The following NSF variants were observed in gnomAD, a reference collection of about 807,000 sequenced individuals.
NSF encodes the protein N-ethylmaleimide sensitive factor, vesicle fusing ATPase.
NSF carries 14 observed loss-of-function variants against 50.3 expected under a neutral mutation model. The observed-to-expected ratio is 0.28, with a 90% CI of 0.18 to 0.44. The LOEUF (loss-of-function observed/expected upper bound fraction) is 0.44. NSF is among the 20% of genes least tolerant of loss of function. The pLI, the probability that NSF is intolerant of heterozygous loss-of-function variation, is 1.00. For missense variants in NSF, 218 were observed against 504.3 expected (o/e 0.43, Z 5.44); for synonymous variants, 109 against 175.7 (o/e 0.62, Z 3.00).
At chr17:46,744,601 T>C (rs928661852) in intron 17 of NSF, among the ~76,000 whole-genome samples, 1 of 151,590 alleles carries the variant, frequency 6.6e-6, no homozygotes, top group Non-Finnish European at 1.5e-5. Context: ...AGTATTATAT[T>C]AGTGGCATTT....
intron 17 of NSF, among the ~76,000 whole-genome samples, chr17:46,736,491 C>A (rs1373593858): frequency 6.6e-6 from 1 of 152,200 alleles, no homozygotes; most frequent in Admixed American, 6.5e-5. Context: ...CCTGGCCCTC[C>A]CTCTACTCCT....
At chr17:46,716,416 C>T (rs777000351) in intron 15 of NSF, among the ~76,000 whole-genome samples, 7 of 152,106 alleles carry the variant, frequency 4.6e-5, no homozygotes, top group Non-Finnish European at 7.3e-5. Context: ...GCCACCATGC[C>T]TGGCTAATTT....
intron 14 of NSF, among the ~76,000 whole-genome samples, chr17:46,711,889 AG>A (rs1318158926): frequency 2.0e-5 from 3 of 152,206 alleles, no homozygotes; most frequent in Non-Finnish European, 4.4e-5. Context: ...AGTCCTGGGC[AG>A]GAAGGAGCTT....
rs1167793650 is a variant in NSF, at chr17:46,595,513, C to T, written c.12+4726C>T. On this transcript the variant is annotated intron_variant, in intron 1 of 20. Transcript: ENST00000398238. ...GGATCTTTTTTTTTTTTTTTTGAGACGGAGTCTTGCTCCGTCACCCAGGCT... is the reference window on the plus strand; with the variant it reads ...GGATCTTTTTTTTTTTTTTTTGAGATGGAGTCTTGCTCCGTCACCCAGGCT... 1.1e-4 allele frequency among the ~76,000 whole-genome samples: 13 copies of T among 118,562 alleles called. 4 individuals are homozygous for T. The East Asian group carries it at 4.2e-3, about 38-fold the overall frequency. 77.8% of individuals were successfully genotyped at this position (118,562 alleles called of 152,430 possible).
intron 15 of NSF, among the ~76,000 whole-genome samples, chr17:46,724,674 C>CT (rs1310528798): frequency 6.6e-6 from 1 of 152,208 alleles, no homozygotes; most frequent in Non-Finnish European, 1.5e-5. Flanking sequence ...TTCCCCAACT[C>CT]TAACTTTTGT....
chr17:46,735,775 T>C (rs897961318), intron 17 of NSF, among the ~76,000 whole-genome samples: 13 of 152,066 alleles, frequency 8.5e-5, no homozygotes, highest in African/African-American at 2.4e-4. Context: ...TGAAACCCGA[T>C]CTCTACTAAA....
chr17:46,657,499 A>G (rs1397918993), intron 8 of NSF, among the ~76,000 whole-genome samples: 6 of 144,704 alleles, frequency 4.1e-5, no homozygotes, highest in Non-Finnish European at 6.1e-5. Flanking sequence ...AGAAATAGAA[A>G]CTTTTTCAGA....
rs1228702955 is a variant in NSF at position 46,728,842 on chromosome 17, G to A, written c.1829-13G>A. 6.4e-7 allele frequency: 1 copy of A among 1,570,046 alleles called. No individual in the cohort carries two copies. The highest frequency in any genetic ancestry group is 1.4e-5 in the African/African-American group (1 of 72,874). On this transcript the variant is annotated splice_polypyrimidine_tract_variant and intron_variant, in intron 16 of 20. Transcript: ENST00000398238. ...GTATCAAATCCCTAAACATAATAAT[G>A]TTTCTTTTCCAGATTACGTCCCTAT...
chr17:46,755,826 A>G lies in NSF; in HGVS notation c.*3A>G. 2 of 1,611,778 alleles carry G rather than the reference A, an allele frequency of 1.2e-6. No individual in the cohort carries two copies. The highest frequency in any genetic ancestry group is 1.7e-6 in the Non-Finnish European group (2 of 1,179,606). On this transcript the variant is annotated 3_prime_UTR_variant, in exon 21 of 21. Transcript: ENST00000398238. The stretch of plus-strand genomic sequence containing the variant: ...GTAGCCCCCTTGATTTTGATTGAAA[A>G]TGAACTATTTGAAACACACAGTGAC...
intron 17 of NSF, among the ~76,000 whole-genome samples, chr17:46,742,556 G>A (rs765576745): frequency 6.6e-6 from 1 of 152,194 alleles, no homozygotes; most frequent in South Asian, 2.1e-4. Context: ...ACTGGAGGAG[G>A]GAAAGGGCAG....
intron 13 of NSF, 132 bp from the exon 14 acceptor site, chr17:46,710,831 C>A: frequency 1.3e-6 from 1 of 750,460 alleles, no homozygotes; most frequent in Non-Finnish European, 2.0e-6. Flanking sequence ...AGTTGTTTTG[C>A]TTTCCAGGCT....
intron 13 of NSF, among the ~76,000 whole-genome samples, chr17:46,708,142 T>C (rs1229366802): frequency 4.6e-5 from 7 of 152,240 alleles, no homozygotes; most frequent in Non-Finnish European, 1.0e-4. Context: ...TGAGTAATGC[T>C]GTCATTAGCA....
chr17:46,635,777 A>ATGTGTG (rs148930686), intron 4 of NSF, among the ~76,000 whole-genome samples: 18,345 of 116,598 alleles, frequency 0.16, 2,480 homozygotes, highest in Middle Eastern at 0.27. Flanking sequence ...GGGAAAATAA[A>ATGTGTG]TGTGTGTGTG....
In NSF at chr17:46,755,841, C is replaced by T; in HGVS notation, c.*18C>T. 1 of 1,604,168 alleles carries T rather than the reference C, an allele frequency of 6.2e-7. No homozygotes were observed. The highest frequency in any genetic ancestry group is 8.5e-7 in the Non-Finnish European group (1 of 1,175,176). ...TTGATTGAAAATGAACTATTTGAAACACACAGTGACCAAGGGAAGTGACCA... is the reference window on the plus strand; with the variant it reads ...TTGATTGAAAATGAACTATTTGAAATACACAGTGACCAAGGGAAGTGACCA... On this transcript the variant is annotated 3_prime_UTR_variant, in exon 21 of 21. Coordinates refer to ENST00000398238, the MANE Select transcript of NSF (RefSeq NM_006178.4).
chr17:46,703,701 A>AC (rs1382319315), intron 12 of NSF, among the ~76,000 whole-genome samples: 83 of 148,624 alleles, frequency 5.6e-4, no homozygotes, highest in African/African-American at 2.0e-3. Context: ...AAAAAAAAAA[A>AC]AAACAAAAAA....
In NSF at chr17:46,595,584, C is replaced by T. The variant is rs1394765628; in HGVS notation, c.12+4797C>T. 9.9e-5 allele frequency among the ~76,000 whole-genome samples: 13 copies of T among 131,794 alleles called. 2 individuals carry two copies. The highest frequency in any genetic ancestry group is 4.6e-4 in the South Asian group (2 of 4,322). The allele number at this position is 131,794 out of a possible 152,430, so 86.5% of individuals were successfully genotyped here. ...TGGCCTCACTGCAACCTCTGCCTCC[C>T]GGGTTCAAGCGATTCTCCCGCCTCA... is the stretch of plus-strand genomic sequence containing the variant. On this transcript the variant is annotated intron_variant, in intron 1 of 20. Transcript: ENST00000398238.
intron 15 of NSF, among the ~76,000 whole-genome samples, chr17:46,723,647 G>A (rs753218973): frequency 2.0e-5 from 3 of 152,030 alleles, no homozygotes; most frequent in South Asian, 2.1e-4. Context: ...TTTTATTTCA[G>A]TTGCCAAATC....
chr17:46,726,640 A>AT, intron 16 of NSF, 25 bp downstream of exon 16: 1 of 1,600,160 alleles, frequency 6.2e-7, no homozygotes, highest in Non-Finnish European at 8.6e-7. Context: ...CTGCTGTTGT[A>AT]TTATCTTTGC....
At chr17:46,710,184 G>A (rs1486322889) in intron 13 of NSF, among the ~76,000 whole-genome samples, 1 of 152,140 alleles carries the variant, frequency 6.6e-6, no homozygotes, top group African/African-American at 2.4e-5. Context: ...ATCTTTACAT[G>A]TAGTAGGTTA....
Sources: allele counts gnomAD v4.1 joint callset (sites outside exome capture counted in the v4.1 genomes callset), GRCh38; gene constraint gnomAD v4.1.1; transcripts MANE v1.5; gene names NCBI Gene and HGNC (gene_info 2026-07-23, HGNC 2026-07-21).